The following ZNF804A variants were observed in gnomAD, a reference collection of about 807,000 sequenced individuals.
ZNF804A encodes zinc finger protein 804A.
In ZNF804A, 2 loss-of-function variants were observed where a neutral mutation model predicts 16.5. The observed-to-expected ratio is 0.12, with a 90% CI of 0.05 to 0.38. ZNF804A has a LOEUF of 0.38. Among genes scored for constraint, ZNF804A ranks in the 10% least tolerant of loss-of-function variants. ZNF804A has a pLI of 0.99. For synonymous variants in ZNF804A, 534 were observed against 489.6 expected (o/e 1.09, Z -1.20); for missense variants, 1,473 against 1,390.7 (o/e 1.06, Z -0.94).
intron 2 of ZNF804A, among the ~76,000 whole-genome samples, chr2:184,889,056 T>A (rs76256912): frequency 0.039 from 5,980 of 152,158 alleles, 380 homozygotes; most frequent in African/African-American, 0.13. Flanking sequence ...GCCCTCCACA[T>A]TATTCACTCC....
chr2:184,682,264 A>G (rs367835766), intron 1 of ZNF804A, among the ~76,000 whole-genome samples: 2 of 152,238 alleles, frequency 1.3e-5, no homozygotes, highest in African/African-American at 4.8e-5. Context: ...AGAAGGCACC[A>G]GTGGCCAAAG....
chr2:184,776,337 T>A (rs2105771386), intron 1 of ZNF804A, among the ~76,000 whole-genome samples: 1 of 151,694 alleles, frequency 6.6e-6, no homozygotes, highest in East Asian at 1.9e-4. Flanking sequence ...AAAGACATTA[T>A]AATGGCTTAG....
chr2:184,802,526 A>G (rs942610667), intron 1 of ZNF804A, among the ~76,000 whole-genome samples: 6 of 152,184 alleles, frequency 3.9e-5, no homozygotes, highest in African/African-American at 1.4e-4. Context: ...CAAAATTACC[A>G]TTTAACTGTT....
chr2:184,651,093 G>T (rs1463310768), intron 1 of ZNF804A, among the ~76,000 whole-genome samples: 2 of 151,914 alleles, frequency 1.3e-5, no homozygotes, highest in African/African-American at 4.8e-5. Context: ...TATGAATTCA[G>T]ATACATAGAC....
At chr2:184,720,131 G>C (rs1686236961) in intron 1 of ZNF804A, among the ~76,000 whole-genome samples, 1 of 152,026 alleles carries the variant, frequency 6.6e-6, no homozygotes, top group African/African-American at 2.4e-5. Flanking sequence ...GGAGACTCCT[G>C]TTTTTAAAAG....
chr2:184,889,667 GCCCACA>G (rs1684951115), intron 2 of ZNF804A, among the ~76,000 whole-genome samples: 1 of 151,588 alleles, frequency 6.6e-6, no homozygotes, highest in Non-Finnish European at 1.5e-5. Context: ...TATTAAAGCT[GCCCACA>G]CACATACACA....
chr2:184,616,781 T>C (rs1377103721), intron 1 of ZNF804A, among the ~76,000 whole-genome samples: 1 of 152,136 alleles, frequency 6.6e-6, no homozygotes, highest in Non-Finnish European at 1.5e-5. Context: ...ACCTGAAAGT[T>C]TAGAAAATGT....
chr2:184,871,415 C>CAAAAAAAAAA (rs71407821), intron 2 of ZNF804A, among the ~76,000 whole-genome samples: 1 of 105,772 alleles, frequency 9.5e-6, no homozygotes. Flanking sequence ...ATTACTCCAG[C>CAAAAAAAAAA]AAAAAAAAAA....
At position 184,598,895 on chromosome 2, in the gene ZNF804A, G is replaced by T. The variant is rs1028089865; in HGVS notation, c.-65G>T. 2.2e-5 allele frequency: 25 copies of T among 1,128,930 alleles called. No individual in the cohort carries two copies. Among genetic ancestry groups the T allele is most frequent in the Non-Finnish European group, 3.0e-5 (25 of 822,884 alleles). The allele number at this position is 1,128,930 out of a possible 1,614,324, so 69.9% of individuals were successfully genotyped here. On this transcript the variant is annotated 5_prime_UTR_variant, in exon 1 of 4. Coordinates refer to ENST00000302277, the MANE Select transcript of ZNF804A (RefSeq NM_194250.2). ...AGCCCACCGTCGCCGGCCCCGGCGCGCTGCGGCTGTGGGCGCGGGGTGCGT... is the reference window on the plus strand; with the variant it reads ...AGCCCACCGTCGCCGGCCCCGGCGCTCTGCGGCTGTGGGCGCGGGGTGCGT...
chr2:184,866,301 C>A (rs529760811), intron 1 of ZNF804A, 68 bp from the exon 2 acceptor site: 4 of 1,489,292 alleles, frequency 2.7e-6, no homozygotes, highest in Non-Finnish European at 2.8e-6. Flanking sequence ...CTATAGTTGA[C>A]AACTGCTAAA....
At chr2:184,650,238 AG>A (rs1691958590) in intron 1 of ZNF804A, among the ~76,000 whole-genome samples, 1 of 152,124 alleles carries the variant, frequency 6.6e-6, no homozygotes, top group Non-Finnish European at 1.5e-5. Flanking sequence ...GTAAGGAAAA[AG>A]CTCTTGACAA....
At chr2:184,710,303 T>C (rs988415561) in intron 1 of ZNF804A, among the ~76,000 whole-genome samples, 1 of 151,664 alleles carries the variant, frequency 6.6e-6, no homozygotes, top group African/African-American at 2.4e-5. Context: ...TACAATAATA[T>C]TTTTCCTACT....
At chr2:184,641,318 G>A (rs1164196848) in intron 1 of ZNF804A, among the ~76,000 whole-genome samples, 2 of 152,066 alleles carry the variant, frequency 1.3e-5, no homozygotes, top group Admixed American at 6.6e-5. Flanking sequence ...CAGCAGGCAT[G>A]GATCCCAAAA....
intron 1 of ZNF804A, among the ~76,000 whole-genome samples, chr2:184,749,984 A>T: frequency 6.6e-6 from 1 of 151,412 alleles, no homozygotes. Flanking sequence ...ATGAATACTT[A>T]TATACTTATT....
intron 1 of ZNF804A, among the ~76,000 whole-genome samples, chr2:184,732,355 G>A (rs1226727484): frequency 2.0e-5 from 3 of 151,626 alleles, no homozygotes; most frequent in African/African-American, 7.3e-5. Flanking sequence ...AAATTTGTGT[G>A]GGTTTACTTC....
intron 1 of ZNF804A, among the ~76,000 whole-genome samples, chr2:184,636,364 T>G (rs1191607277): frequency 6.7e-6 from 1 of 149,914 alleles, no homozygotes; most frequent in Non-Finnish European, 1.5e-5. Flanking sequence ...TTTGTGTTTT[T>G]TCTGTCTCTC....
intron 1 of ZNF804A, among the ~76,000 whole-genome samples, chr2:184,777,686 A>T (rs1694310268): frequency 6.6e-6 from 1 of 151,652 alleles, no homozygotes; most frequent in African/African-American, 2.4e-5. Context: ...AAAATCCTTT[A>T]ATTTATAGCT....
intron 1 of ZNF804A, among the ~76,000 whole-genome samples, chr2:184,718,047 C>T (rs1042367491): frequency 9.2e-5 from 14 of 152,234 alleles, no homozygotes; most frequent in African/African-American, 3.1e-4. Context: ...ATACCTGGGA[C>T]TGAGCAATTT....
intron 2 of ZNF804A, among the ~76,000 whole-genome samples, chr2:184,923,583 C>T (rs1349808608): frequency 2.0e-5 from 3 of 152,018 alleles, no homozygotes; most frequent in Middle Eastern, 3.4e-3. Flanking sequence ...TTTCAGTACT[C>T]TGTTGAATAA....
Sources: gnomAD v4.1 joint callset for allele counts (sites outside exome capture counted in the v4.1 genomes callset) on GRCh38, gnomAD v4.1.1 for gene constraint, MANE v1.5 for transcripts, NCBI Gene and HGNC (gene_info 2026-07-23, HGNC 2026-07-21) for gene names.